Variants in CMSS1 observed in about 807,000 individuals in gnomAD.
CMSS1 encodes the protein protein CMSS1.
CMSS1 carries 33 observed loss-of-function variants against 43.5 expected under a neutral mutation model. The observed-to-expected ratio is 0.76, with a 90% confidence interval of 0.57 to 1.01. The LOEUF (loss-of-function observed/expected upper bound fraction) is 1.01, where lower values mean the gene tolerates loss of function less well. CMSS1 is among the 50% of genes least tolerant of loss of function. The pLI is 0.00. For missense variants in CMSS1, 313 were observed against 326.4 expected (o/e 0.96, Z 0.32); for synonymous variants, 115 against 117.2 (o/e 0.98, Z 0.12).
chr3:100,049,895 G>A (rs1010907206), intron 1 of CMSS1, among the ~76,000 whole-genome samples: 1 of 152,120 alleles, frequency 6.6e-6, no homozygotes, highest in East Asian at 1.9e-4. Context: ...TAAGCTACTA[G>A]TAGTTAAGTT....
chr3:100,052,025 A>G lies in CMSS1; in HGVS notation c.65-94948A>G, dbSNP rs1029004232. Among the ~76,000 whole-genome samples, 14 of 151,722 alleles carry G rather than the reference A, an allele frequency of 9.2e-5. No individual in the cohort carries two copies. In the East Asian group the frequency reaches 1.2e-3, roughly 13 times the overall value. On this transcript the variant is annotated intron_variant, in intron 1 of 9. Coordinates refer to ENST00000421999, the MANE Select transcript of CMSS1 (RefSeq NM_032359.4). ...ATATTTCAAGCAAGAAACACATGCA[A>G]TTTACCAACTCACCCTTAAATGATC...
intron 1 of CMSS1, among the ~76,000 whole-genome samples, chr3:99,897,829 C>T (rs1706308105): frequency 6.6e-6 from 1 of 152,150 alleles, no homozygotes; most frequent in Non-Finnish European, 1.5e-5. Context: ...CAGAGAATCT[C>T]CTATAGTGTG....
At chr3:99,916,497 C>T (rs1000468791) in intron 1 of CMSS1, among the ~76,000 whole-genome samples, 5 of 151,568 alleles carry the variant, frequency 3.3e-5, no homozygotes, top group Non-Finnish European at 5.9e-5. Flanking sequence ...TTCTGTTTCT[C>T]TGGAGGACCC....
chr3:99,869,930 C>CAGTG (rs779493313), intron 1 of CMSS1, among the ~76,000 whole-genome samples: 2 of 152,194 alleles, frequency 1.3e-5, no homozygotes, highest in East Asian at 1.9e-4. Context: ...GCTTTAGATA[C>CAGTG]AGTGATTTGG....
At chr3:99,893,112 C>T (rs1383042221) in intron 1 of CMSS1, among the ~76,000 whole-genome samples, 1 of 147,200 alleles carries the variant, frequency 6.8e-6, no homozygotes, top group African/African-American at 2.5e-5. Flanking sequence ...TAGAAGACAC[C>T]TTTCTGCTTT....
chr3:99,848,821 GC>G (rs1341359780), intron 1 of CMSS1: 1 of 1,614,082 alleles, frequency 6.2e-7, no homozygotes, highest in East Asian at 2.2e-5. Context: ...TGTTATGGAG[GC>G]GTTTTGGAGG....
At chr3:99,972,988 A>C (rs1412664656) in intron 1 of CMSS1, among the ~76,000 whole-genome samples, 3 of 152,204 alleles carry the variant, frequency 2.0e-5, no homozygotes, top group Admixed American at 1.3e-4. Flanking sequence ...TGAGAGCAGA[A>C]ATAGGCCAGA....
intron 1 of CMSS1, among the ~76,000 whole-genome samples, chr3:100,000,503 T>TA (rs1426064761): frequency 6.6e-6 from 1 of 152,016 alleles, no homozygotes; most frequent in African/African-American, 2.4e-5. Flanking sequence ...GAAGAAAGGG[T>TA]AAAAACGGGT....
chr3:99,948,409 A>C lies in CMSS1; in HGVS notation c.64+130366A>C, dbSNP rs566436431. On this transcript the variant is annotated intron_variant, in intron 1 of 9. Transcript: ENST00000421999. ...AAAAATTAGCTCGGTAGGGTGATGC[A>C]CACCTGTAGTCCCATCTACTCGTGA... Among the ~76,000 whole-genome samples, 12 of 152,010 alleles carry C rather than the reference A, an allele frequency of 7.9e-5. No homozygotes were observed. The East Asian group carries it at 2.1e-3, about 27-fold the overall frequency.
chr3:99,966,614 G>A (rs74560952), intron 1 of CMSS1, among the ~76,000 whole-genome samples: 11,935 of 152,168 alleles, frequency 0.078, 551 homozygotes, highest in Admixed American at 0.11. Context: ...CCTTCGCTCT[G>A]TATATACAGT....
At chr3:99,877,792 C>T (rs1705584882) in intron 1 of CMSS1, among the ~76,000 whole-genome samples, 1 of 152,126 alleles carries the variant, frequency 6.6e-6, no homozygotes, top group African/African-American at 2.4e-5. Flanking sequence ...GATTAAATGA[C>T]TTTTATGAAA....
At chr3:100,115,745 C>G (rs2066561673) in intron 1 of CMSS1, among the ~76,000 whole-genome samples, 1 of 152,002 alleles carries the variant, frequency 6.6e-6, no homozygotes, top group Non-Finnish European at 1.5e-5. Context: ...GTATACTCTT[C>G]TACATAACCA....
At chr3:100,065,753 A>C (rs1358015802) in intron 1 of CMSS1, among the ~76,000 whole-genome samples, 1 of 152,208 alleles carries the variant, frequency 6.6e-6, no homozygotes, top group Admixed American at 6.5e-5. Flanking sequence ...ACAGCCTCTC[A>C]GTTCATATTC....
chr3:100,107,436 G>T (rs570790510), intron 1 of CMSS1, among the ~76,000 whole-genome samples: 1 of 152,198 alleles, frequency 6.6e-6, no homozygotes, highest in East Asian at 1.9e-4. Context: ...TGTTTACTTT[G>T]AGAGTGATGA....
intron 1 of CMSS1, among the ~76,000 whole-genome samples, chr3:99,871,123 G>A (rs1207738008): frequency 6.6e-6 from 1 of 152,164 alleles, no homozygotes; most frequent in Non-Finnish European, 1.5e-5. Context: ...AGATTTCACT[G>A]CCTTGACTTA....
At chr3:100,062,090 CTTCTTTTTTTTTTTTTTTTTT>C (rs2065577206) in intron 1 of CMSS1, among the ~76,000 whole-genome samples, 1 of 67,880 alleles carries the variant, frequency 1.5e-5, no homozygotes, top group Non-Finnish European at 2.8e-5. Context: ...ATCCTGTCTT[CTTCTTTTTTTTTTTTTTTTTT>C]TTTTTTTTTT....
intron 1 of CMSS1, among the ~76,000 whole-genome samples, chr3:99,943,628 C>T (rs1472000281): frequency 2.6e-5 from 4 of 151,846 alleles, no homozygotes; most frequent in South Asian, 2.1e-4. Context: ...CGCTTGAACC[C>T]GGGAGGTGGA....
intron 1 of CMSS1, among the ~76,000 whole-genome samples, chr3:99,886,365 C>A (rs190401061): frequency 2.6e-5 from 4 of 151,634 alleles, no homozygotes; most frequent in African/African-American, 7.3e-5. Flanking sequence ...AAGAAGAAAT[C>A]TCTTGTACCA....
chr3:99,984,693 G>A (rs1227791235), intron 1 of CMSS1, among the ~76,000 whole-genome samples: 1 of 152,104 alleles, frequency 6.6e-6, no homozygotes, highest in African/African-American at 2.4e-5. Flanking sequence ...CTACTGTGGG[G>A]GAGGGAATCC....
Sources: allele counts gnomAD v4.1 joint callset (sites outside exome capture counted in the v4.1 genomes callset), GRCh38; gene constraint gnomAD v4.1.1; transcripts MANE v1.5; gene names NCBI Gene and HGNC (gene_info 2026-07-23, HGNC 2026-07-21).